The following KCTD10 variants were observed in gnomAD, a reference collection of about 807,000 sequenced individuals.
The protein encoded by KCTD10 is potassium channel tetramerization domain containing 10.
In KCTD10, 13 loss-of-function variants were observed where a neutral mutation model predicts 34.6. The observed-to-expected ratio is 0.38, with a 90% CI of 0.24 to 0.60. The LOEUF is 0.60. Ranked by LOEUF, KCTD10 falls within the 20% of genes least tolerant of loss-of-function variation. The pLI, the probability that KCTD10 is intolerant of heterozygous loss-of-function variation, is 0.66. For missense variants in KCTD10, 256 were observed against 420.3 expected (o/e 0.61, Z 3.42); for synonymous variants, 156 against 168.8 (o/e 0.92, Z 0.59).
chr12:109,461,397 C>T (rs886912883), intron 2 of KCTD10, among the ~76,000 whole-genome samples: 3 of 152,144 alleles, frequency 2.0e-5, no homozygotes, highest in African/African-American at 7.2e-5. Flanking sequence ...TAGTGAATGA[C>T]CAAGACAGAC....
At chr12:109,457,185 G>A (rs1215330839) in intron 5 of KCTD10, 3 of 163,452 alleles carry the variant, frequency 1.8e-5, no homozygotes, top group Admixed American at 6.0e-5. Flanking sequence ...CATATATTAT[G>A]CAATTCCATT....
intron 2 of KCTD10, among the ~76,000 whole-genome samples, chr12:109,467,288 A>C (rs1476967640): frequency 6.6e-6 from 1 of 152,232 alleles, no homozygotes; most frequent in Non-Finnish European, 1.5e-5. Context: ...CAACAACAGT[A>C]TCCACCCCTC....
rs1872715502 is a variant in KCTD10 at position 109,450,431 on chromosome 12, C to T, written c.*1164G>A. ...CCTTAAACAAACATGAACACAGACA[C>T]AAACCAGACCCAAAGTTATCTATCT... On this transcript the variant is annotated 3_prime_UTR_variant, in exon 7 of 7. Transcript: ENST00000228495. 1 of 399,254 alleles carries T rather than the reference C, an allele frequency of 2.5e-6. No homozygotes were observed. The highest frequency in any genetic ancestry group is 4.4e-6 in the Non-Finnish European group (1 of 226,442). The allele number at this position is 399,254 out of a possible 1,614,324, so 24.7% of individuals were successfully genotyped here. A position where few individuals can be genotyped will look rare whatever the true frequency, so the allele number is the denominator to read the frequency against.
rs1872667733 is a variant in KCTD10, at chr12:109,449,769, A to G, written c.*1826T>C. Reference sequence around the variant, plus strand: ...TGGCTTTTCCATTTTCCTGGCCAACATTCACTTCGACTTTCTAAAAAAGCT... The same window carrying G: ...TGGCTTTTCCATTTTCCTGGCCAACGTTCACTTCGACTTTCTAAAAAAGCT... On this transcript the variant is annotated 3_prime_UTR_variant, in exon 7 of 7. Coordinates refer to ENST00000228495, the MANE Select transcript of KCTD10 (RefSeq NM_031954.5). The G allele has an allele frequency of 6.6e-6, 1 of 151,848 alleles. No individual in the cohort carries two copies. The highest frequency in any genetic ancestry group is 1.5e-5 in the Non-Finnish European group (1 of 68,024). The allele number at this position is 151,848 out of a possible 1,614,324, so 9.4% of individuals were successfully genotyped here.
chr12:109,467,895 T>C (rs992550263), intron 2 of KCTD10, among the ~76,000 whole-genome samples: 1 of 152,156 alleles, frequency 6.6e-6, no homozygotes, highest in South Asian at 2.1e-4. Flanking sequence ...TTTTTTGATA[T>C]GGCATCAGGC....
At chr12:109,469,454 G>A (rs1472175768) in intron 2 of KCTD10, 61 bp downstream of exon 2, 6 of 1,571,954 alleles carry the variant, frequency 3.8e-6, no homozygotes, top group African/African-American at 2.7e-5. Context: ...ACTTCTTCAG[G>A]GAAGCCCTCC....
intron 1 of KCTD10, among the ~76,000 whole-genome samples, chr12:109,472,938 T>G (rs1873958942): frequency 6.6e-6 from 1 of 152,266 alleles, no homozygotes; most frequent in African/African-American, 2.4e-5. Flanking sequence ...CTTGCACCTG[T>G]GTAGCCCCCA....
intron 6 of KCTD10, 50 bp downstream of exon 6, chr12:109,456,068 G>T (rs1873002273): frequency 6.4e-7 from 1 of 1,553,866 alleles, no homozygotes; most frequent in Non-Finnish European, 8.9e-7. Context: ...AAGTTCTATA[G>T]GTGTGTGTTT....
intron 1 of KCTD10, among the ~76,000 whole-genome samples, chr12:109,474,647 C>T (rs553633955): frequency 1.3e-5 from 2 of 152,190 alleles, no homozygotes; most frequent in Non-Finnish European, 2.9e-5. Context: ...CCATTAACTC[C>T]ACGGTCTTGG....
At chr12:109,457,404 T>C (rs1873072974) in intron 5 of KCTD10, 1 of 450,192 alleles carries the variant, frequency 2.2e-6, no homozygotes, top group Non-Finnish European at 4.0e-6. Flanking sequence ...AAACCACATA[T>C]TGTGAATATA....
At chr12:109,455,958 C>T (rs1174212012) in intron 6 of KCTD10, among the ~76,000 whole-genome samples, 160 bp downstream of exon 6, 1 of 152,164 alleles carries the variant, frequency 6.6e-6, no homozygotes, top group Admixed American at 6.5e-5. Flanking sequence ...CATTTGGCTC[C>T]TTGCAGGGCC....
rs551073513 is a variant in KCTD10, at chr12:109,451,279, A to G, written c.*316T>C. ...CCCACAAAAATAAATATTGCAAACA[A>G]AAGTTCTCACATACACTTCACACTC... On this transcript the variant is annotated 3_prime_UTR_variant, in exon 7 of 7. Transcript: ENST00000228495. This position sits in a 1 kb window ranked among gnomAD's most constrained non-coding sequence, Gnocchi z 5.0. The G allele has an allele frequency of 1.7e-4, 50 of 292,344 alleles. No homozygotes were observed. The highest frequency in any genetic ancestry group is 1.1e-3 in the African/African-American group (49 of 46,186). The allele number at this position is 292,344 out of a possible 1,614,324, so 18.1% of individuals were successfully genotyped here.
At chr12:109,452,845 C>CTTTTTT (rs746503433) in intron 6 of KCTD10, among the ~76,000 whole-genome samples, 9 of 143,764 alleles carry the variant, frequency 6.3e-5, no homozygotes, top group East Asian at 2.0e-4. Context: ...GTTTTCTTTC[C>CTTTTTT]TTTTTTTTTA....
chr12:109,469,735 G>C lies in KCTD10; in HGVS notation c.4-7C>G, dbSNP rs1350122793. The C allele has an allele frequency of 1.2e-6, 2 of 1,614,106 alleles. No homozygotes were observed. Among genetic ancestry groups the C allele is most frequent in the Non-Finnish European group, 1.7e-6 (2 of 1,180,000 alleles). The stretch of plus-strand genomic sequence containing the variant: ...TTTCTCCTGACATCTCTTCCTGCCA[G>C]TGGAGAGGATACAGGGTCATGACAT... On this transcript the variant is annotated splice_region_variant and splice_polypyrimidine_tract_variant and intron_variant, in intron 1 of 6. Transcript: ENST00000228495.
intron 2 of KCTD10, 79 bp downstream of exon 2, chr12:109,469,436 T>C (rs1873763402): frequency 6.5e-7 from 1 of 1,540,272 alleles, no homozygotes; most frequent in Non-Finnish European, 8.8e-7. Context: ...GGTCTCGACT[T>C]AAATGTCACT....
In KCTD10 at chr12:109,451,951, C is replaced by A. The variant is rs1215093728; in HGVS notation, c.724-138G>T. ...GCCACCAGTATTATTTTTAAATAAA[C>A]TGATATTTTCAATGGCAACACTTAC... On this transcript the variant is annotated intron_variant, in intron 6 of 6. Coordinates refer to ENST00000228495, the MANE Select transcript of KCTD10 (RefSeq NM_031954.5). This position sits in a 1 kb window ranked among gnomAD's most constrained non-coding sequence, Gnocchi z 5.0. The A allele has an allele frequency of 7.8e-6, 5 of 639,012 alleles. No homozygotes were observed. The highest frequency in any genetic ancestry group is 1.3e-5 in the Non-Finnish European group (5 of 395,950). 39.6% of individuals were successfully genotyped at this position (639,012 alleles called of 1,614,324 possible). A position where few individuals can be genotyped will look rare whatever the true frequency, so the allele number is the denominator to read the frequency against.
Position 109,462,302 on chromosome 12 carries a change from A to C in KCTD10, c.218-1497T>G, listed in dbSNP as rs1055847586. 1.1e-4 allele frequency among the ~76,000 whole-genome samples: 17 copies of C among 152,208 alleles called. 1 individual carries two copies. The highest frequency in any genetic ancestry group is 3.9e-4 in the African/African-American group (16 of 41,464). On this transcript the variant is annotated intron_variant, in intron 2 of 6. Coordinates refer to ENST00000228495, the MANE Select transcript of KCTD10 (RefSeq NM_031954.5). ...CCTAAAGTTCCTGGGCCTTTTGTTA[A>C]AAGAACGGTCTCCACCCTCCAGCGG...
At chr12:109,464,336 G>A (rs893465282) in intron 2 of KCTD10, among the ~76,000 whole-genome samples, 1 of 152,152 alleles carries the variant, frequency 6.6e-6, no homozygotes, top group Non-Finnish European at 1.5e-5. Flanking sequence ...GTTGTAAGAG[G>A]CTGCCCCGCA....
intron 5 of KCTD10, 49 bp downstream of exon 5, chr12:109,457,581 T>C (rs745641288): frequency 2.8e-5 from 43 of 1,554,016 alleles, no homozygotes; most frequent in Middle Eastern, 1.7e-4. Context: ...CTGGTGTGAG[T>C]GGAGGTTTTC....
Sources: allele counts gnomAD v4.1 joint callset (sites outside exome capture counted in the v4.1 genomes callset), GRCh38; gene constraint gnomAD v4.1.1; non-coding constraint Gnocchi (gnomAD v3.1); transcripts MANE v1.5; gene names NCBI Gene and HGNC (gene_info 2026-07-23, HGNC 2026-07-21).